Variants in RARB observed in about 807,000 individuals in gnomAD.
RARB encodes HBV-activated protein.
Under a neutral mutation model 51.9 loss-of-function variants are expected in RARB, and 17 were observed. The ratio of observed to expected loss-of-function variants is 0.33; its 90% confidence interval spans 0.22 to 0.49. The LOEUF is 0.49. Among genes scored for constraint, RARB ranks in the 20% least tolerant of loss-of-function variants. RARB has a pLI of 0.99. For synonymous variants in RARB, 215 were observed against 195.4 expected, an observed-to-expected ratio of 1.10 and a Z score of -0.84; for missense variants, 369 against 550.8, an observed-to-expected ratio of 0.67 and a Z score of 3.30.
intron 1 of RARB, among the ~76,000 whole-genome samples, chr3:24,851,128 T>C (rs142005748): frequency 1.3e-3 from 204 of 152,200 alleles, no homozygotes; most frequent in Non-Finnish European, 2.1e-3. Context: ...GGAGAGGGCA[T>C]GGGTAGGTCA....
chr3:25,025,564 T>C (rs1280218398), intron 2 of RARB, among the ~76,000 whole-genome samples: 1 of 152,140 alleles, frequency 6.6e-6, no homozygotes, highest in African/African-American at 2.4e-5. Flanking sequence ...ACAGTAGTTA[T>C]GTACACAGAT....
chr3:25,203,314 G>C (rs893969856), intron 5 of RARB, among the ~76,000 whole-genome samples: 5 of 151,978 alleles, frequency 3.3e-5, no homozygotes, highest in East Asian at 3.9e-4. Flanking sequence ...TAATTTTGAG[G>C]CTATGTGTGT....
At chr3:25,265,851 G>C (rs561744692) in intron 5 of RARB, among the ~76,000 whole-genome samples, 5 of 152,248 alleles carry the variant, frequency 3.3e-5, no homozygotes, top group African/African-American at 1.2e-4. Context: ...TGTCAGCAGG[G>C]CTGGGTTCCC....
chr3:25,187,891 C>G (rs17518678), intron 5 of RARB, among the ~76,000 whole-genome samples: 12,193 of 152,076 alleles, frequency 0.08, 643 homozygotes, highest in Non-Finnish European at 0.12. Flanking sequence ...TGAGACAACA[C>G]AGATATTAGC....
At chr3:24,850,522 A>T (rs1306387435) in intron 1 of RARB, among the ~76,000 whole-genome samples, 2 of 152,248 alleles carry the variant, frequency 1.3e-5, no homozygotes, top group East Asian at 3.8e-4. Flanking sequence ...TCTAAGGGAT[A>T]ACAGAGTCAA....
At chr3:24,918,579 TATTGTACAAAA>T (rs1365544499) in intron 2 of RARB, among the ~76,000 whole-genome samples, 4 of 152,200 alleles carry the variant, frequency 2.6e-5, no homozygotes, top group Non-Finnish European at 5.9e-5. Context: ...CTGTTACAAA[TATTGTACAAAA>T]TTTAGACTAG....
At chr3:25,210,366 G>A (rs1260241226) in intron 5 of RARB, among the ~76,000 whole-genome samples, 1 of 151,814 alleles carries the variant, frequency 6.6e-6, no homozygotes, top group Non-Finnish European at 1.5e-5. Context: ...TATGACCACA[G>A]GCCAAATCCA....
intron 2 of RARB, among the ~76,000 whole-genome samples, chr3:25,033,030 A>G (rs1311238090): frequency 2.0e-5 from 3 of 152,184 alleles, no homozygotes; most frequent in Non-Finnish European, 4.4e-5. Flanking sequence ...CTTCTACTCA[A>G]TTTCTAAAAT....
intron 2 of RARB, among the ~76,000 whole-genome samples, chr3:25,463,952 C>T (rs1326446029): frequency 6.6e-6 from 1 of 152,162 alleles, no homozygotes; most frequent in Non-Finnish European, 1.5e-5. Flanking sequence ...GACATTTGTT[C>T]ATTCAATTAT....
intron 2 of RARB, among the ~76,000 whole-genome samples, chr3:24,914,205 G>T (rs1040932144): frequency 6.6e-6 from 1 of 152,130 alleles, no homozygotes; most frequent in Non-Finnish European, 1.5e-5. Context: ...GTTTAAATTT[G>T]TCCAGCACCC....
chr3:25,018,943 A>G (rs1182264384), intron 2 of RARB, among the ~76,000 whole-genome samples: 1 of 152,204 alleles, frequency 6.6e-6, no homozygotes, highest in South Asian at 2.1e-4. Flanking sequence ...AGTTTATGCT[A>G]CTAACCCAAA....
chr3:25,220,202 A>G (rs1379651293), intron 5 of RARB, among the ~76,000 whole-genome samples: 2 of 152,230 alleles, frequency 1.3e-5, no homozygotes, highest in Non-Finnish European at 2.9e-5. Flanking sequence ...CTTGACAGCT[A>G]CATTTCCCTA....
At chr3:25,246,441 T>C (rs1238422098) in intron 5 of RARB, among the ~76,000 whole-genome samples, 1 of 152,196 alleles carries the variant, frequency 6.6e-6, no homozygotes, top group Non-Finnish European at 1.5e-5. Flanking sequence ...TGCTTGTTTT[T>C]CCTCACCTTC....
chr3:25,569,981 GACACACACACACACACACAC>G lies in RARB; in HGVS notation c.609+84_609+103del, dbSNP rs56255512. 1.4e-4 allele frequency: 150 copies of G among 1,069,522 alleles called. No individual in the cohort carries two copies. The African/African-American group carries it at 1.9e-3, about 14-fold the overall frequency. 66.3% of individuals were successfully genotyped at this position (1,069,522 alleles called of 1,614,324 possible). A position where few individuals can be genotyped will look rare whatever the true frequency, so the allele number is the denominator to read the frequency against. ...GAAACCTTGTACGTGCATGTGTGCA[GACACACACACACACACACAC>G]ACACACACACACACACACACTTTGC... On this transcript the variant is annotated intron_variant, in intron 4 of 7. Coordinates refer to ENST00000330688, the MANE Select transcript of RARB (RefSeq NM_000965.5).
chr3:25,484,001 T>G (rs1204926343), intron 2 of RARB, among the ~76,000 whole-genome samples: 1 of 152,240 alleles, frequency 6.6e-6, no homozygotes, highest in African/African-American at 2.4e-5. Context: ...GTTGGCAATT[T>G]ACAGAGCTAT....
At chr3:25,219,654 A>G (rs1352350522) in intron 5 of RARB, among the ~76,000 whole-genome samples, 1 of 152,184 alleles carries the variant, frequency 6.6e-6, no homozygotes, top group Non-Finnish European at 1.5e-5. Flanking sequence ...ACCCCGTCTT[A>G]TCAGCATCTT....
intron 5 of RARB, among the ~76,000 whole-genome samples, chr3:25,584,585 C>G (rs1203461858): frequency 6.6e-6 from 1 of 152,122 alleles, no homozygotes; most frequent in Non-Finnish European, 1.5e-5. Flanking sequence ...AGAGGAAGCC[C>G]CGGCAGGTTG....
At chr3:25,359,822 G>T (rs1252898564) in intron 5 of RARB, among the ~76,000 whole-genome samples, 1 of 152,182 alleles carries the variant, frequency 6.6e-6, no homozygotes, top group East Asian at 1.9e-4. Context: ...TAATGTGATT[G>T]TACTGTGGTC....
chr3:25,595,291 T>C (rs1701774540), intron 7 of RARB, among the ~76,000 whole-genome samples: 1 of 151,128 alleles, frequency 6.6e-6, no homozygotes, highest in Non-Finnish European at 1.5e-5. Flanking sequence ...TGGTACCAAA[T>C]GGGCTATTGT....
Sources: gnomAD v4.1 joint callset for allele counts (sites outside exome capture counted in the v4.1 genomes callset) on GRCh38, gnomAD v4.1.1 for gene constraint, MANE v1.5 for transcripts, NCBI Gene and HGNC (gene_info 2026-07-23, HGNC 2026-07-21) for gene names.